The following PAM variants were observed in gnomAD, a reference collection of about 807,000 sequenced individuals.
The protein encoded by PAM is peptidylglycine alpha-amidating monooxygenase.
Under a neutral mutation model 122.1 loss-of-function variants are expected in PAM, and 72 were observed. That is an observed-to-expected ratio of 0.59 (90% CI 0.49 to 0.72). The LOEUF (loss-of-function observed/expected upper bound fraction) is 0.72, where lower values mean the gene tolerates loss of function less well. PAM is among the 30% of genes least tolerant of loss of function. PAM has a pLI of 0.00. For synonymous variants in PAM, 389 were observed against 404.4 expected, an observed-to-expected ratio of 0.96 and a Z score of 0.46; for missense variants, 1,106 against 1,183.7, an observed-to-expected ratio of 0.93 and a Z score of 0.96.
Position 103,019,839 on chromosome 5 carries a change from C to G in PAM, c.2481C>G (p.Ile827Met). The change falls in exon 23 of 26, where the codon ATC becomes ATG. Residue 827 changes from isoleucine to methionine, a missense_variant. By Grantham distance (10) the Ile-to-Met change is conservative (BLOSUM62 1). Transcript: ENST00000438793. ...AGGCTGGCATTGAGGTCCAGGAAAT[C>G]AAAGGTTGGTCAGATTCCTCTTATT... is the stretch of plus-strand genomic sequence containing the variant. ...VKKAGIEVQEIKEAEAVVETK... is the reference protein window; with the variant it reads ...VKKAGIEVQEMKEAEAVVETK... 8.1e-6 allele frequency: 13 copies of G among 1,598,968 alleles called. No individual in the cohort carries two copies. Among genetic ancestry groups the G allele is most frequent in the Non-Finnish European group, 9.4e-6 (11 of 1,166,364 alleles).
intron 1 of PAM, among the ~76,000 whole-genome samples, chr5:102,845,210 G>T (rs1166305586): frequency 6.6e-6 from 1 of 152,184 alleles, no homozygotes; most frequent in Non-Finnish European, 1.5e-5. Flanking sequence ...TTTCAGATGT[G>T]GTTAGGATGC....
At chr5:102,811,326 T>G (rs1172085345) in intron 1 of PAM, among the ~76,000 whole-genome samples, 16 of 152,166 alleles carry the variant, frequency 1.1e-4, no homozygotes, top group Admixed American at 9.2e-4. Context: ...TAGGGGAGAA[T>G]TCCTTTCCTT....
chr5:103,010,986 A>G lies in PAM; in HGVS notation c.2331+1120A>G, dbSNP rs954743770. On this transcript the variant is annotated intron_variant, in intron 21 of 25. Coordinates refer to ENST00000438793, the MANE Select transcript of PAM (RefSeq NM_001177306.2). ...ATGTACAATTAAATTATTATTCAGT[A>G]TAGTCACACTGTTGTGCTATCAAAT... Among the ~76,000 whole-genome samples the G allele has an allele frequency of 1.1e-4, 17 of 152,288 alleles. 1 individual carries two copies. In the East Asian group the frequency reaches 3.1e-3, roughly 28 times the overall value.
chr5:102,888,827 T>C (rs1463545783), intron 3 of PAM, among the ~76,000 whole-genome samples: 1 of 151,910 alleles, frequency 6.6e-6, no homozygotes, highest in Non-Finnish European at 1.5e-5. Flanking sequence ...TTATTTAAAA[T>C]ACCCTTTTTA....
At chr5:102,900,254 T>TGTGGC (rs777616737) in intron 3 of PAM, among the ~76,000 whole-genome samples, 1 of 26,978 alleles carries the variant, frequency 3.7e-5, no homozygotes, top group African/African-American at 1.7e-4. Flanking sequence ...TGTGTGTGTG[T>TGTGGC]GGGGGGGGGG....
chr5:102,919,755 C>T (rs1314935580), intron 5 of PAM, among the ~76,000 whole-genome samples: 1 of 151,996 alleles, frequency 6.6e-6, no homozygotes, highest in Non-Finnish European at 1.5e-5. Flanking sequence ...GATAGTATAA[C>T]GGATCAATTT....
At chr5:102,856,118 G>A (rs568477494) in intron 1 of PAM, among the ~76,000 whole-genome samples, 2 of 152,134 alleles carry the variant, frequency 1.3e-5, no homozygotes, top group East Asian at 1.9e-4. Flanking sequence ...GGCATATTAC[G>A]GACATAGTCT....
intron 15 of PAM, among the ~76,000 whole-genome samples, chr5:102,977,970 T>C (rs1486625442): frequency 6.6e-6 from 1 of 152,154 alleles, no homozygotes; most frequent in Non-Finnish European, 1.5e-5. Context: ...ACATGCAAAG[T>C]GCTTTGAACA....
intron 7 of PAM, among the ~76,000 whole-genome samples, chr5:102,928,853 A>AT (rs1401402283): frequency 6.6e-6 from 1 of 151,948 alleles, no homozygotes; most frequent in Non-Finnish European, 1.5e-5. Context: ...CTAAAGAAAG[A>AT]TTTTTTTTCT....
intron 1 of PAM, among the ~76,000 whole-genome samples, chr5:102,811,884 G>A (rs903570984): frequency 6.6e-6 from 1 of 152,140 alleles, no homozygotes; most frequent in African/African-American, 2.4e-5. Flanking sequence ...AAACTCTTAG[G>A]TACAGATGGG....
intron 1 of PAM, among the ~76,000 whole-genome samples, chr5:102,808,424 A>C (rs1011270185): frequency 6.6e-6 from 1 of 152,146 alleles, no homozygotes; most frequent in Non-Finnish European, 1.5e-5. Flanking sequence ...GTGGGCAGGC[A>C]CATGTGGGGT....
chr5:102,761,029 A>G (rs1239985036), intron 1 of PAM, among the ~76,000 whole-genome samples: 1 of 152,174 alleles, frequency 6.6e-6, no homozygotes, highest in African/African-American at 2.4e-5. Context: ...GCTTAACACA[A>G]AAGGACAAGA....
At chr5:102,864,893 C>G (rs1785097617) in intron 1 of PAM, among the ~76,000 whole-genome samples, 1 of 152,104 alleles carries the variant, frequency 6.6e-6, no homozygotes, top group Admixed American at 6.6e-5. Context: ...TAAATATATT[C>G]AGTCAAAATA....
intron 1 of PAM, among the ~76,000 whole-genome samples, chr5:102,797,114 G>T (rs1317436042): frequency 1.3e-5 from 2 of 152,078 alleles, no homozygotes; most frequent in African/African-American, 4.8e-5. Context: ...ACATACCAAA[G>T]GACTGTTGGG....
intron 1 of PAM, among the ~76,000 whole-genome samples, chr5:102,755,754 C>T (rs1429204078): frequency 6.6e-6 from 1 of 151,410 alleles, no homozygotes; most frequent in Admixed American, 6.6e-5. Flanking sequence ...TCCGTGACGC[C>T]TAGAAAGCCT....
chr5:102,868,023 A>C, intron 3 of PAM, among the ~76,000 whole-genome samples: 1 of 152,204 alleles, frequency 6.6e-6, no homozygotes, highest in Non-Finnish European at 1.5e-5. Context: ...TCCCTCTTTT[A>C]GGTACACGCA....
intron 1 of PAM, among the ~76,000 whole-genome samples, chr5:102,845,733 G>A (rs967588299): frequency 1.3e-5 from 2 of 152,152 alleles, no homozygotes; most frequent in Non-Finnish European, 2.9e-5. Flanking sequence ...TACGTTCAAA[G>A]TCTTTATTTA....
Position 102,873,046 on chromosome 5 carries a change from C to T in PAM, c.210+5653C>T, listed in dbSNP as rs1488049507. 2.0e-5 allele frequency among the ~76,000 whole-genome samples: 3 copies of T among 151,842 alleles called. No homozygotes were observed. The East Asian group carries it at 5.8e-4, about 29-fold the overall frequency. ...ACAATTTACCTGTATAGCAAACCTA[C>T]ATATGTACTCCTGAACCTAAAATAA... On this transcript the variant is annotated intron_variant, in intron 3 of 25. Transcript: ENST00000438793.
At chr5:103,007,884 G>A (rs1243195576) in intron 20 of PAM, among the ~76,000 whole-genome samples, 1 of 151,784 alleles carries the variant, frequency 6.6e-6, no homozygotes, top group Admixed American at 6.6e-5. Flanking sequence ...GTTTGTAAGG[G>A]GTTAAAAATG....
Sources: allele counts gnomAD v4.1 joint callset (sites outside exome capture counted in the v4.1 genomes callset), GRCh38; gene constraint gnomAD v4.1.1; transcripts MANE v1.5; gene names NCBI Gene and HGNC (gene_info 2026-07-23, HGNC 2026-07-21).